PPP1R1C: variants seen among roughly 807,000 people sequenced by gnomAD.
PPP1R1C encodes protein phosphatase 1 regulatory inhibitor subunit 1C, also known as protein phosphatase 1 regulatory subunit 1C.
In PPP1R1C, 15 loss-of-function variants were observed where a neutral mutation model predicts 17.4. The observed-to-expected ratio is 0.86, with a 90% CI of 0.58 to 1.33. PPP1R1C has a LOEUF of 1.33. Ranked by LOEUF, PPP1R1C falls within the 40% of genes most tolerant of loss-of-function variation. PPP1R1C has a pLI of 0.00. For synonymous variants in PPP1R1C, 35 were observed against 43.1 expected, an observed-to-expected ratio of 0.81 and a Z score of 0.73; for missense variants, 143 against 130.0, an observed-to-expected ratio of 1.10 and a Z score of -0.48.
At chr2:181,963,253 T>A (rs556358525) in intron 1 of PPP1R1C, among the ~76,000 whole-genome samples, 60 of 152,212 alleles carry the variant, frequency 3.9e-4, no homozygotes, top group African/African-American at 1.3e-3. Context: ...ATTTAAAAGA[T>A]CCAAAATGTT....
At chr2:182,014,164 G>A (rs1686176342) in intron 2 of PPP1R1C, among the ~76,000 whole-genome samples, 1 of 152,120 alleles carries the variant, frequency 6.6e-6, no homozygotes, top group Non-Finnish European at 1.5e-5. Flanking sequence ...AACCTTGTTT[G>A]TACCTGTTCT....
chr2:181,957,712 G>A lies in PPP1R1C; in HGVS notation n.111+3078G>A, dbSNP rs1420865165. Among the ~76,000 whole-genome samples the A allele has an allele frequency of 6.6e-6, 1 of 152,078 alleles. No homozygotes were observed. Among genetic ancestry groups the A allele is most frequent in the Non-Finnish European group, 1.5e-5 (1 of 68,014 alleles). ...CATACCTTAGGAATCTGTCTCCCAT[G>A]CCCCACTCAGCTCCCCTTTCCTTGC... On this transcript the variant is annotated intron_variant and non_coding_transcript_variant, in intron 1 of 5. Transcript: ENST00000464264. The surrounding 1 kb of genome is among the most constrained non-coding windows in gnomAD (Gnocchi z 4.2).
intron 4 of PPP1R1C, among the ~76,000 whole-genome samples, chr2:182,086,918 G>C (rs1329594641): frequency 1.4e-5 from 2 of 144,144 alleles, no homozygotes; most frequent in Non-Finnish European, 3.1e-5. Flanking sequence ...CTTCACTACA[G>C]GGGAGAAAAT....
chr2:182,056,953 T>C (rs1266782733), intron 2 of PPP1R1C, among the ~76,000 whole-genome samples: 1 of 152,188 alleles, frequency 6.6e-6, no homozygotes, highest in Non-Finnish European at 1.5e-5. Flanking sequence ...ACATTGATTT[T>C]TAAAAATGGA....
chr2:181,979,254 C>A (rs1031680403), intron 2 of PPP1R1C, among the ~76,000 whole-genome samples: 1 of 152,282 alleles, frequency 6.6e-6, no homozygotes, highest in Non-Finnish European at 1.5e-5. Context: ...ACCCCATATA[C>A]TAGGCTGCTA....
chr2:182,103,421 A>G (rs868532947), intron 4 of PPP1R1C, among the ~76,000 whole-genome samples: 61 of 152,340 alleles, frequency 4.0e-4, no homozygotes, highest in African/African-American at 1.4e-3. Context: ...GAAGAATTAA[A>G]GAAGAGGTAT....
At chr2:182,034,921 A>G (rs1278467830) in intron 2 of PPP1R1C, among the ~76,000 whole-genome samples, 1 of 152,062 alleles carries the variant, frequency 6.6e-6, no homozygotes, top group Non-Finnish European at 1.5e-5. Flanking sequence ...ATTGAACTGT[A>G]CTCCTGTGGC....
At chr2:182,053,781 T>A (rs61492857) in intron 2 of PPP1R1C, among the ~76,000 whole-genome samples, 92,669 of 146,926 alleles carry the variant, frequency 0.63, 30,484 homozygotes, top group Non-Finnish European at 0.74. Context: ...TTATTTATTT[T>A]ATTTATTTAT....
At chr2:182,051,352 G>T (rs1027494366) in intron 2 of PPP1R1C, among the ~76,000 whole-genome samples, 14 of 152,194 alleles carry the variant, frequency 9.2e-5, no homozygotes, top group African/African-American at 3.4e-4. Context: ...TCAGCCTCCA[G>T]TAATGGTTAC....
At chr2:182,009,114 T>C (rs780960462) in intron 2 of PPP1R1C, among the ~76,000 whole-genome samples, 20 of 152,288 alleles carry the variant, frequency 1.3e-4, no homozygotes, top group Middle Eastern at 3.4e-3. Flanking sequence ...ATCTCTTCAA[T>C]ACACTGATTT....
intron 4 of PPP1R1C, among the ~76,000 whole-genome samples, chr2:182,068,932 A>G (rs1688066495): frequency 6.6e-6 from 1 of 152,192 alleles, no homozygotes; most frequent in Admixed American, 6.5e-5. Flanking sequence ...CCTTAAAATT[A>G]TGACTCAAAA....
intron 2 of PPP1R1C, among the ~76,000 whole-genome samples, chr2:181,989,531 T>C (rs1476620728): frequency 6.6e-6 from 1 of 152,192 alleles, no homozygotes; most frequent in Non-Finnish European, 1.5e-5. Context: ...TGACTAGTCA[T>C]TCAGGCCCTA....
At chr2:182,073,161 A>G (rs1371122042) in intron 4 of PPP1R1C, among the ~76,000 whole-genome samples, 3 of 151,876 alleles carry the variant, frequency 2.0e-5, no homozygotes. Context: ...CCAGTTCTAA[A>G]TCCTTTTAGC....
At chr2:182,043,842 C>A (rs968913251) in intron 2 of PPP1R1C, among the ~76,000 whole-genome samples, 9 of 152,094 alleles carry the variant, frequency 5.9e-5, no homozygotes, top group Non-Finnish European at 4.4e-5. Flanking sequence ...GCTTTATTGA[C>A]CCCCTAGGTG....
chr2:182,012,985 T>C (rs1414257568), intron 2 of PPP1R1C, among the ~76,000 whole-genome samples: 1 of 152,144 alleles, frequency 6.6e-6, no homozygotes, highest in African/African-American at 2.4e-5. Context: ...TTTCTATGTA[T>C]TTAAAAATTG....
intron 2 of PPP1R1C, among the ~76,000 whole-genome samples, chr2:181,978,417 A>T (rs539726574): frequency 6.6e-6 from 1 of 152,332 alleles, no homozygotes; most frequent in East Asian, 1.9e-4. Flanking sequence ...GGGGCATCAG[A>T]TCAGAGACTC....
chr2:181,964,313 C>T (rs1216596621), intron 1 of PPP1R1C, among the ~76,000 whole-genome samples: 2 of 152,136 alleles, frequency 1.3e-5, no homozygotes, highest in Non-Finnish European at 2.9e-5. Flanking sequence ...TTTTTCATTG[C>T]TGAATAGTGC....
intron 2 of PPP1R1C, among the ~76,000 whole-genome samples, chr2:182,032,337 C>T (rs963482346): frequency 6.6e-6 from 1 of 152,090 alleles, no homozygotes; most frequent in East Asian, 1.9e-4. Flanking sequence ...TGAGACCTAC[C>T]CTGTCTACCA....
Position 181,959,340 on chromosome 2 carries a change from C to A in PPP1R1C, n.111+4706C>A, listed in dbSNP as rs77654197. On this transcript the variant is annotated intron_variant and non_coding_transcript_variant, in intron 1 of 5. Transcript: ENST00000464264. ...TGCTAAATATTATTATTTATTTACT[C>A]AACTGATAAACTTGTTTTTTATTTT... Among the ~76,000 whole-genome samples the A allele has an allele frequency of 2.9e-3, 448 of 152,278 alleles. 1 individual carries two copies. The highest frequency in any genetic ancestry group is 0.01 in the African/African-American group (428 of 41,558).
Sources: allele counts gnomAD v4.1 joint callset (sites outside exome capture counted in the v4.1 genomes callset), GRCh38; gene constraint gnomAD v4.1.1; non-coding constraint Gnocchi (gnomAD v3.1); transcripts MANE v1.5; gene names NCBI Gene and HGNC (gene_info 2026-07-23, HGNC 2026-07-21).